SORT1: variants seen among roughly 807,000 people sequenced by gnomAD.
The protein encoded by SORT1 is sortilin 1.
A neutral mutation model predicts 101.7 loss-of-function variants in SORT1; 39 were observed. The ratio of observed to expected loss-of-function variants is 0.38; its 90% CI spans 0.30 to 0.50. The LOEUF (loss-of-function observed/expected upper bound fraction) is 0.50, where lower values mean the gene tolerates loss of function less well. Ranked by LOEUF, SORT1 falls within the 20% of genes least tolerant of loss-of-function variation. The pLI is 0.90. For synonymous variants in SORT1, 396 were observed against 393.7 expected, an observed-to-expected ratio of 1.01 and a Z score of -0.07; for missense variants, 878 against 1,040.4, an observed-to-expected ratio of 0.84 and a Z score of 2.15.
chr1:109,356,857 T>C (rs1308022462), intron 3 of SORT1, among the ~76,000 whole-genome samples: 1 of 152,260 alleles, frequency 6.6e-6, no homozygotes. Flanking sequence ...TTTAATACTA[T>C]GTATAGCTCT....
intron 11 of SORT1, among the ~76,000 whole-genome samples, chr1:109,330,614 AAAT>A (rs1557787716): frequency 6.6e-6 from 1 of 152,190 alleles, no homozygotes; most frequent in Non-Finnish European, 1.5e-5. Flanking sequence ...AGAAGGGAGG[AAAT>A]AATAACAGAG....
intron 1 of SORT1, among the ~76,000 whole-genome samples, chr1:109,386,350 T>C (rs1490822278): frequency 2.0e-5 from 3 of 152,216 alleles, no homozygotes; most frequent in African/African-American, 7.2e-5. Context: ...ACAGAAGTGT[T>C]GTATTACATG....
At chr1:109,390,200 T>C (rs1652813261) in intron 1 of SORT1, among the ~76,000 whole-genome samples, 1 of 152,210 alleles carries the variant, frequency 6.6e-6, no homozygotes. Context: ...CCCAGAACAC[T>C]GCACTGCAGT....
intron 16 of SORT1, among the ~76,000 whole-genome samples, chr1:109,317,509 C>T (rs916355245): frequency 4.6e-5 from 7 of 152,220 alleles, no homozygotes; most frequent in African/African-American, 1.4e-4. Context: ...GAGCGATGGA[C>T]GTTCATGGCG....
chr1:109,333,982 T>G (rs1173327940), intron 11 of SORT1, among the ~76,000 whole-genome samples: 1 of 152,200 alleles, frequency 6.6e-6, no homozygotes, highest in East Asian at 1.9e-4. Flanking sequence ...CCGTCACTAC[T>G]AAAGACACAA....
chr1:109,355,387 C>T lies in SORT1; in HGVS notation c.523G>A (p.Gly175Ser). ...FIRTEFGMAI[G>S]PENSGKVVLT... ...CTCACCTTTCCAGAGTTCTCAGGAC[C>T]AATAGCCATGCCAAATTCAGTCCGA... is the stretch of plus-strand genomic sequence containing the variant. Residue 175 changes from glycine to serine, a missense_variant, in exon 4 of 20, where the codon GGT becomes AGT. Physicochemically the swap from Gly to Ser is moderately conservative, Grantham distance 56. Coordinates refer to ENST00000256637, the MANE Select transcript of SORT1 (RefSeq NM_002959.7). The T allele has an allele frequency of 6.3e-7, 1 of 1,590,076 alleles. No individual in the cohort carries two copies.
chr1:109,380,753 G>A (rs1652170486), intron 1 of SORT1, among the ~76,000 whole-genome samples: 1 of 132,380 alleles, frequency 7.6e-6, no homozygotes, highest in African/African-American at 2.8e-5. Context: ...AAGGCGGGAG[G>A]ATCACTTGAG....
intron 9 of SORT1, among the ~76,000 whole-genome samples, 160 bp downstream of exon 9, chr1:109,341,854 G>A (rs1028663050): frequency 2.0e-5 from 3 of 152,114 alleles, no homozygotes; most frequent in Admixed American, 2.0e-4. Context: ...AAAACAAGTG[G>A]CATTTTTAAC....
intron 8 of SORT1, among the ~76,000 whole-genome samples, chr1:109,342,971 A>G (rs1649327732): frequency 6.6e-6 from 1 of 152,194 alleles, no homozygotes; most frequent in South Asian, 2.1e-4. Context: ...ATGTCTCATT[A>G]CTTTGAATCT....
Position 109,313,974 on chromosome 1 carries a change from T to C in SORT1, c.*69A>G. On this transcript the variant is annotated 3_prime_UTR_variant, in exon 20 of 20. Transcript: ENST00000256637. ...CAATGGGAAATTTATTTCCTGAAGT[T>C]GGAGCCACAGGGAGTGTAAGAGGTA... 1 of 1,489,928 alleles carries C rather than the reference T, an allele frequency of 6.7e-7. No individual in the cohort carries two copies. The highest frequency in any genetic ancestry group is 1.2e-5 in the South Asian group (1 of 86,290). 92.3% of individuals were successfully genotyped at this position (1,489,928 alleles called of 1,614,324 possible). A position where few individuals can be genotyped will look rare whatever the true frequency, so the allele number is the denominator to read the frequency against.
At chr1:109,335,034 G>C (rs1022203413) in intron 11 of SORT1, among the ~76,000 whole-genome samples, 36 of 152,164 alleles carry the variant, frequency 2.4e-4, no homozygotes, top group African/African-American at 8.7e-4. Context: ...ACTGAGGGTG[G>C]TTAGAATTTC....
chr1:109,376,330 C>CAAAAAAAAAAAAAAAAAAAA (rs35117356), intron 1 of SORT1, among the ~76,000 whole-genome samples: 1 of 93,776 alleles, frequency 1.1e-5, no homozygotes, highest in Non-Finnish European at 2.1e-5. Flanking sequence ...GACTCCATCT[C>CAAAAAAAAAAAAAAAAAAAA]AAAAAAAAAA....
At chr1:109,321,412 G>GGCA (rs751552689) in intron 15 of SORT1, among the ~76,000 whole-genome samples, 19 of 152,136 alleles carry the variant, frequency 1.2e-4, no homozygotes, top group Non-Finnish European at 2.1e-4. Context: ...GAAAAACCAT[G>GGCA]GCACTGCTGG....
At position 109,327,014 on chromosome 1, in the gene SORT1, T is replaced by C; in HGVS notation, c.1621A>G (p.Ser541Gly). Reference sequence around the variant, plus strand: ...TACTTAATCACATTGATAGGACGGCTGCTGTGCTCAATGGCCACAATGATG... The same window carrying C: ...TACTTAATCACATTGATAGGACGGCCGCTGTGCTCAATGGCCACAATGATG... Reference protein sequence around the residue: ...GGIIVAIEHSSRPINVIKFST... With the variant: ...GGIIVAIEHSGRPINVIKFST... The change falls in exon 13 of 20, where the codon AGC (serine) becomes GGC (glycine). Residue 541 changes from serine to glycine, a missense_variant. Physicochemically the swap from Ser to Gly is moderately conservative, Grantham distance 56. Transcript: ENST00000256637. The C allele has an allele frequency of 6.2e-7, 1 of 1,612,274 alleles. No individual in the cohort carries two copies. The highest frequency in any genetic ancestry group is 8.5e-7 in the Non-Finnish European group (1 of 1,179,870).
At position 109,367,442 on chromosome 1, in the gene SORT1, T is replaced by C. The variant is rs775101730; in HGVS notation, c.406A>G (p.Ile136Val). 14 of 1,608,760 alleles carry C rather than the reference T, an allele frequency of 8.7e-6. No homozygotes were observed. The highest frequency in any genetic ancestry group is 2.7e-5 in the African/African-American group (2 of 74,816). The change falls in exon 3 of 20, where the codon ATT (isoleucine) becomes GTT (valine). Residue 136 changes from isoleucine to valine, a missense_variant. By Grantham distance (29) the Ile-to-Val change is conservative. Coordinates refer to ENST00000256637, the MANE Select transcript of SORT1 (RefSeq NM_002959.7). ...VLTTFHVPLV[I>V]MTFGQSKLYR... Reference sequence around the variant, plus strand: ...AGCTTGGACTGTCCAAAAGTCATAATTACCAGTGGTACATGGAAGGTAGTC... The same window carrying C: ...AGCTTGGACTGTCCAAAAGTCATAACTACCAGTGGTACATGGAAGGTAGTC...
At position 109,390,771 on chromosome 1, in the gene SORT1, A is replaced by ATGTG. The variant is rs376882706; in HGVS notation, c.306+6812_306+6815dup. On this transcript the variant is annotated intron_variant, in intron 1 of 19. Coordinates refer to ENST00000256637, the MANE Select transcript of SORT1 (RefSeq NM_002959.7). ...TTAGAAAGTGTGTGTGTGTGTGTGT[A>ATGTG]TGTGTGTGTGTGTGTGTGTGTGTGT... 4.9e-3 allele frequency among the ~76,000 whole-genome samples: 712 copies of ATGTG among 145,684 alleles called. 3 individuals carry two copies. Among genetic ancestry groups the ATGTG allele is most frequent in the African/African-American group, 0.011 (433 of 38,252 alleles).
intron 3 of SORT1, among the ~76,000 whole-genome samples, chr1:109,358,111 AG>A (rs1359367176): frequency 6.6e-6 from 1 of 152,254 alleles, no homozygotes; most frequent in African/African-American, 2.4e-5. Context: ...CTTCAAAAAA[AG>A]AAACCAGCAT....
intron 3 of SORT1, 74 bp downstream of exon 3, chr1:109,367,334 A>G: frequency 1.2e-6 from 1 of 843,842 alleles, no homozygotes; most frequent in South Asian, 1.6e-5. Context: ...ACGTGCCATC[A>G]TGTCTAGAAA....
chr1:109,395,761 C>A (rs981838907), intron 1 of SORT1, among the ~76,000 whole-genome samples: 6 of 152,030 alleles, frequency 3.9e-5, no homozygotes, highest in African/African-American at 7.2e-5. Flanking sequence ...TTCAAACTAA[C>A]CAGGAAGACT....
Sources: allele counts gnomAD v4.1 joint callset (sites outside exome capture counted in the v4.1 genomes callset), GRCh38; gene constraint gnomAD v4.1.1; transcripts MANE v1.5; gene names NCBI Gene and HGNC (gene_info 2026-07-23, HGNC 2026-07-21).